The following MCC variants were observed in gnomAD, a reference collection of about 807,000 sequenced individuals.
The protein encoded by MCC is MCC regulator of Wnt signaling pathway.
In MCC, 90 loss-of-function variants were observed where a neutral mutation model predicts 116.2. The observed-to-expected ratio is 0.77, with a 90% CI of 0.65 to 0.92. The LOEUF (loss-of-function observed/expected upper bound fraction) is 0.92, where lower values mean the gene tolerates loss of function less well. MCC is among the 40% of genes least tolerant of loss of function. MCC has a pLI of 0.00. For synonymous variants in MCC, 578 were observed against 510.5 expected (o/e 1.13, Z -1.78); for missense variants, 1,516 against 1,312.2 (o/e 1.16, Z -2.40).
intron 1 of MCC, among the ~76,000 whole-genome samples, chr5:113,476,266 G>T (rs983803400): frequency 1.3e-5 from 2 of 152,164 alleles, no homozygotes; most frequent in Non-Finnish European, 2.9e-5. Context: ...AACAAAGTTG[G>T]ACAATTCGTA....
intron 7 of MCC, among the ~76,000 whole-genome samples, chr5:113,103,790 C>T (rs757031103): frequency 6.6e-6 from 1 of 152,132 alleles, no homozygotes; most frequent in Non-Finnish European, 1.5e-5. Context: ...TCTCAAACAG[C>T]AAGAGGAATT....
chr5:113,176,186 T>G (rs1259497774), intron 3 of MCC, among the ~76,000 whole-genome samples: 2 of 152,182 alleles, frequency 1.3e-5, no homozygotes, highest in African/African-American at 4.8e-5. Context: ...AGCTCCTAAA[T>G]GCCCATTTCT....
At position 113,422,425 on chromosome 5, in the gene MCC, TTTAAG is replaced by T. The variant is rs374244658; in HGVS notation, c.171-37218_171-37214del. On this transcript the variant is annotated intron_variant, in intron 1 of 18. Coordinates refer to ENST00000408903, the MANE Select transcript of MCC (RefSeq NM_001085377.2). ...TGTTTACAAGCTTCTATGATTTAAT[TTTAAG>T]TTATTTTTGTCTTTTTAATTGACTT... Among the ~76,000 whole-genome samples, 390 of 150,168 alleles carry T rather than the reference TTTAAG, an allele frequency of 2.6e-3. 1 individual carries two copies. Among genetic ancestry groups the T allele is most frequent in the African/African-American group, 8.8e-3 (366 of 41,448 alleles).
intron 1 of MCC, among the ~76,000 whole-genome samples, chr5:113,445,739 A>C (rs1439385788): frequency 6.6e-6 from 1 of 152,140 alleles, no homozygotes; most frequent in Non-Finnish European, 1.5e-5. Flanking sequence ...ACAGAATTAG[A>C]AAAAAACTAT....
At chr5:113,261,791 A>AAGC (rs10644669) in intron 3 of MCC, among the ~76,000 whole-genome samples, 16,390 of 152,150 alleles carry the variant, frequency 0.11, 1,389 homozygotes, top group Admixed American at 0.25. Flanking sequence ...TTCTTCCTAA[A>AAGC]AGCACTCTCC....
chr5:113,442,467 C>T (rs997417225), intron 1 of MCC, among the ~76,000 whole-genome samples: 4 of 152,168 alleles, frequency 2.6e-5, no homozygotes, highest in Admixed American at 1.3e-4. Flanking sequence ...ACTCTGATGG[C>T]AGTTTCTTTT....
chr5:113,287,239 TC>T (rs140418048), intron 3 of MCC, among the ~76,000 whole-genome samples: 22,660 of 152,232 alleles, frequency 0.15, 2,449 homozygotes, highest in Admixed American at 0.28. Context: ...CACAAACCCC[TC>T]CTCTCAGAAT....
At chr5:113,245,895 A>G (rs951744500) in intron 3 of MCC, among the ~76,000 whole-genome samples, 2 of 152,216 alleles carry the variant, frequency 1.3e-5, no homozygotes, top group African/African-American at 4.8e-5. Flanking sequence ...ATCAACATCT[A>G]ATGGGATCAG....
At chr5:113,029,084 G>C (rs759775412) in intron 17 of MCC, 28 bp from the exon 18 acceptor site, 2 of 1,593,870 alleles carry the variant, frequency 1.3e-6, no homozygotes. Flanking sequence ...AAATATGCCA[G>C]GAGTAGTTTG....
At chr5:113,093,943 G>A (rs1004689204) in intron 8 of MCC, among the ~76,000 whole-genome samples, 1 of 152,196 alleles carries the variant, frequency 6.6e-6, no homozygotes, top group Admixed American at 6.5e-5. Flanking sequence ...TAATGGAGCT[G>A]GTTGAGATGA....
chr5:113,433,794 G>A (rs377747657), intron 1 of MCC: 9 of 1,613,900 alleles, frequency 5.6e-6, no homozygotes, highest in South Asian at 2.2e-5. Context: ...CTCCATAGTC[G>A]ACGGCTTGCT....
intron 11 of MCC, among the ~76,000 whole-genome samples, chr5:113,076,452 A>T (rs1464962415): frequency 3.3e-5 from 5 of 152,234 alleles, no homozygotes; most frequent in Non-Finnish European, 7.3e-5. Context: ...TCAGAGTAGT[A>T]GCTGATTTCT....
At chr5:113,394,446 T>G (rs1769476366) in intron 1 of MCC, among the ~76,000 whole-genome samples, 1 of 152,160 alleles carries the variant, frequency 6.6e-6, no homozygotes, top group Non-Finnish European at 1.5e-5. Flanking sequence ...AGTTTCTCAC[T>G]TCATAGCCAA....
intron 3 of MCC, among the ~76,000 whole-genome samples, chr5:113,295,956 A>G (rs1022432015): frequency 1.4e-4 from 22 of 152,196 alleles, no homozygotes; most frequent in Non-Finnish European, 3.1e-4. Context: ...GTCAACTTCC[A>G]TGGTCTTTTT....
intron 6 of MCC, among the ~76,000 whole-genome samples, chr5:113,106,996 T>C (rs752819822): frequency 1.3e-5 from 2 of 152,202 alleles, no homozygotes; most frequent in Non-Finnish European, 2.9e-5. Context: ...ATTATCACTA[T>C]CTGATCTGAC....
intron 1 of MCC, among the ~76,000 whole-genome samples, chr5:113,483,542 A>G (rs965028015): frequency 1.3e-5 from 2 of 152,180 alleles, no homozygotes; most frequent in Non-Finnish European, 2.9e-5. Flanking sequence ...GTATATTTCT[A>G]TATGTTTCCA....
chr5:113,101,249 T>C (rs1365252838), intron 8 of MCC, among the ~76,000 whole-genome samples: 1 of 151,956 alleles, frequency 6.6e-6, no homozygotes, highest in African/African-American at 2.4e-5. Context: ...ATGTACAAGA[T>C]ATGGCTATTT....
intron 3 of MCC, among the ~76,000 whole-genome samples, chr5:113,231,484 A>T (rs1763939585): frequency 6.6e-6 from 1 of 152,122 alleles, no homozygotes; most frequent in South Asian, 2.1e-4. Flanking sequence ...CCAGATCACA[A>T]CTCAGAATAT....
rs528843990 is a variant in MCC, at chr5:113,261,763, G to C, written c.627+78756C>G. Among the ~76,000 whole-genome samples, 50 of 151,816 alleles carry C rather than the reference G, an allele frequency of 3.3e-4. No individual in the cohort carries two copies. In the South Asian group the frequency reaches 8.5e-3, roughly 26 times the overall value. On this transcript the variant is annotated intron_variant, in intron 3 of 18. Coordinates refer to ENST00000408903, the MANE Select transcript of MCC (RefSeq NM_001085377.2). The stretch of plus-strand genomic sequence containing the variant: ...AGTCTTTTGGCAGACAGGGTATAAA[G>C]AAGCATGAATTTACAGGTTCTTCCT...
Sources: gnomAD v4.1 joint callset for allele counts (sites outside exome capture counted in the v4.1 genomes callset) on GRCh38, gnomAD v4.1.1 for gene constraint, MANE v1.5 for transcripts, NCBI Gene and HGNC (gene_info 2026-07-23, HGNC 2026-07-21) for gene names.